The following TMEM132D variants were observed in gnomAD, a reference collection of about 807,000 sequenced individuals.
TMEM132D encodes the protein mature OL transmembrane protein.
TMEM132D carries 21 observed loss-of-function variants against 62.3 expected under a neutral mutation model. The ratio of observed to expected loss-of-function variants is 0.34; its 90% CI spans 0.24 to 0.49. The LOEUF (loss-of-function observed/expected upper bound fraction) is 0.49. TMEM132D is among the 20% of genes least tolerant of loss of function. TMEM132D has a pLI of 0.99. For synonymous variants in TMEM132D, 621 were observed against 575.6 expected, an observed-to-expected ratio of 1.08 and a Z score of -1.13; for missense variants, 1,346 against 1,402.8, an observed-to-expected ratio of 0.96 and a Z score of 0.65.
At chr12:129,300,521 C>G (rs1036378554) in intron 4 of TMEM132D, among the ~76,000 whole-genome samples, 1 of 152,184 alleles carries the variant, frequency 6.6e-6, no homozygotes, top group Non-Finnish European at 1.5e-5. Context: ...CTTGAAACAA[C>G]AAATTACTAT....
In TMEM132D at chr12:129,479,302, CA is replaced by C. The variant is rs1386565598; in HGVS notation, c.1115+51756del. ...AAAAGCTTTGGTGAAAAAAAATTGG[CA>C]TCAAATTTAAGGATCCTGGGCTATT... On this transcript the variant is annotated intron_variant, in intron 3 of 8. Coordinates refer to ENST00000422113, the MANE Select transcript of TMEM132D (RefSeq NM_133448.3). Among the ~76,000 whole-genome samples the C allele has an allele frequency of 3.3e-5, 5 of 152,072 alleles. No homozygotes were observed. In the East Asian group the frequency reaches 9.7e-4, roughly 29 times the overall value.
chr12:129,300,728 T>C (rs1026571815), intron 4 of TMEM132D, among the ~76,000 whole-genome samples: 5 of 152,194 alleles, frequency 3.3e-5, no homozygotes, highest in Non-Finnish European at 5.9e-5. Flanking sequence ...CAGTGGATGC[T>C]TTAAAACATA....
chr12:129,280,366 C>A (rs1881108487), intron 4 of TMEM132D, among the ~76,000 whole-genome samples: 1 of 152,068 alleles, frequency 6.6e-6, no homozygotes, highest in Admixed American at 6.5e-5. Flanking sequence ...ATGCATTTAC[C>A]CTGGGAATGC....
chr12:129,392,896 C>T (rs11060309), intron 3 of TMEM132D, among the ~76,000 whole-genome samples: 6,491 of 152,296 alleles, frequency 0.043, 542 homozygotes, highest in East Asian at 0.36. Flanking sequence ...CAAGACCCAT[C>T]GAGGATGCAT....
chr12:129,537,788 C>A (rs375874830), intron 2 of TMEM132D, among the ~76,000 whole-genome samples: 1 of 152,140 alleles, frequency 6.6e-6, no homozygotes, highest in South Asian at 2.1e-4. Context: ...GCCAAGAATG[C>A]GGAAGCATGG....
chr12:129,263,497 C>T (rs1286385652), intron 4 of TMEM132D, among the ~76,000 whole-genome samples: 1 of 152,130 alleles, frequency 6.6e-6, no homozygotes, highest in South Asian at 2.1e-4. Flanking sequence ...CCAGGCAATC[C>T]AGCTCTAACT....
intron 1 of TMEM132D, among the ~76,000 whole-genome samples, chr12:129,725,321 C>CTAATAA: frequency 6.6e-6 from 1 of 152,236 alleles, no homozygotes; most frequent in East Asian, 1.9e-4. Flanking sequence ...AGATAGTGTG[C>CTAATAA]TAATAAGCCT....
intron 4 of TMEM132D, among the ~76,000 whole-genome samples, chr12:129,302,718 C>T (rs1370039374): frequency 1.3e-5 from 2 of 152,212 alleles, no homozygotes; most frequent in Non-Finnish European, 2.9e-5. Context: ...AACCTAACCC[C>T]ATAAGCACGT....
chr12:129,464,423 C>T (rs1873810890), intron 3 of TMEM132D, among the ~76,000 whole-genome samples: 1 of 152,026 alleles, frequency 6.6e-6, no homozygotes, highest in African/African-American at 2.4e-5. Flanking sequence ...TTGTAGGTTG[C>T]CTGTTCACTC....
At chr12:129,191,292 G>GACACACACACACACACACACAC (rs56128227) in intron 5 of TMEM132D, among the ~76,000 whole-genome samples, 1 of 145,132 alleles carries the variant, frequency 6.9e-6, no homozygotes, top group Non-Finnish European at 1.5e-5. Flanking sequence ...AGGGAAATAG[G>GACACACACACACACACACACAC]ACACACACAC....
chr12:129,470,185 C>A (rs1478135738), intron 3 of TMEM132D, among the ~76,000 whole-genome samples: 1 of 152,120 alleles, frequency 6.6e-6, no homozygotes, highest in African/African-American at 2.4e-5. Flanking sequence ...ACTATAAAAG[C>A]GATTTGTTTT....
At chr12:129,774,402 G>A (rs1870853691) in intron 1 of TMEM132D, among the ~76,000 whole-genome samples, 1 of 152,098 alleles carries the variant, frequency 6.6e-6, no homozygotes, top group Non-Finnish European at 1.5e-5. Flanking sequence ...CTCTGTCTTG[G>A]TTTCAACTCT....
chr12:129,308,690 T>C (rs1056157090), intron 4 of TMEM132D, among the ~76,000 whole-genome samples: 3 of 152,120 alleles, frequency 2.0e-5, no homozygotes, highest in African/African-American at 7.2e-5. Flanking sequence ...ACACAATAAA[T>C]AGCACATACC....
chr12:129,863,363 G>C (rs1393869206), intron 1 of TMEM132D, among the ~76,000 whole-genome samples: 2 of 152,028 alleles, frequency 1.3e-5, no homozygotes. Flanking sequence ...TCCCTGCACA[G>C]TTATGGGTGC....
intron 5 of TMEM132D, among the ~76,000 whole-genome samples, chr12:129,105,004 A>G (rs1875445822): frequency 6.8e-6 from 1 of 146,368 alleles, no homozygotes; most frequent in Admixed American, 6.8e-5. Context: ...AGGGATCTAG[A>G]ACTGGAAATA....
At chr12:129,246,129 C>T (rs1449617276) in intron 4 of TMEM132D, among the ~76,000 whole-genome samples, 5 of 152,106 alleles carry the variant, frequency 3.3e-5, no homozygotes, top group Non-Finnish European at 4.4e-5. Flanking sequence ...GCACATCCAC[C>T]GAAAGTTATG....
At chr12:129,279,062 T>A (rs1404180414) in intron 4 of TMEM132D, among the ~76,000 whole-genome samples, 1 of 152,206 alleles carries the variant, frequency 6.6e-6, no homozygotes, top group Admixed American at 6.5e-5. Context: ...GCAAACTTTA[T>A]GTAAATTTTT....
At chr12:129,278,851 C>T (rs150266441) in intron 4 of TMEM132D, among the ~76,000 whole-genome samples, 418 of 152,272 alleles carry the variant, frequency 2.7e-3, no homozygotes, top group African/African-American at 9.8e-3. Flanking sequence ...ATTTAGATAT[C>T]ATTTTCTTCC....
At chr12:129,191,795 G>A (rs150994535) in intron 5 of TMEM132D, among the ~76,000 whole-genome samples, 219 of 149,336 alleles carry the variant, frequency 1.5e-3, no homozygotes, top group Non-Finnish European at 2.4e-3. Context: ...ACACACACAC[G>A]AAATATCTCC....
Sources: gnomAD v4.1 joint callset for allele counts (sites outside exome capture counted in the v4.1 genomes callset) on GRCh38, gnomAD v4.1.1 for gene constraint, MANE v1.5 for transcripts, NCBI Gene and HGNC (gene_info 2026-07-23, HGNC 2026-07-21) for gene names.